BRF1: variants seen among roughly 807,000 people sequenced by gnomAD.
BRF1 encodes the protein transcription factor IIIB 90 kDa subunit.
A neutral mutation model predicts 81.7 loss-of-function variants in BRF1; 59 were observed. The observed-to-expected ratio is 0.72, with a 90% confidence interval of 0.59 to 0.90. The LOEUF (loss-of-function observed/expected upper bound fraction) is 0.90, where lower values mean the gene tolerates loss of function less well. Ranked by LOEUF, BRF1 falls within the 40% of genes least tolerant of loss-of-function variation. The pLI is 0.00. For synonymous variants in BRF1, 491 were observed against 395.6 expected, an observed-to-expected ratio of 1.24 and a Z score of -2.86; for missense variants, 1,050 against 936.3, an observed-to-expected ratio of 1.12 and a Z score of -1.58.
chr14:105,219,863 G>A (rs752029439), intron 12 of BRF1: 339 of 614,304 alleles, frequency 5.5e-4, no homozygotes, highest in Non-Finnish European at 7.8e-4. Context: ...GGGGCCTCTC[G>A]ACAGGCCGCC....
intron 6 of BRF1, among the ~76,000 whole-genome samples, chr14:105,229,173 T>A (rs1346997696): frequency 6.6e-6 from 1 of 152,330 alleles, no homozygotes; most frequent in South Asian, 2.1e-4. Flanking sequence ...GAGCTTCACG[T>A]AATCCCTCAA....
intron 1 of BRF1, among the ~76,000 whole-genome samples, chr14:105,288,453 AAAAAATAAAAAT>A (rs916864650): frequency 2.0e-5 from 3 of 151,302 alleles, no homozygotes; most frequent in Non-Finnish European, 2.9e-5. Flanking sequence ...CTCCGTCTCA[AAAAAATAAAAAT>A]AAAAATAAAA....
chr14:105,226,090 G>A lies in BRF1; in HGVS notation c.1027C>T (p.Leu343=), dbSNP rs1566812312. The A allele has an allele frequency of 1.2e-6, 2 of 1,613,914 alleles. No individual in the cohort carries two copies. The highest frequency in any genetic ancestry group is 1.7e-6 in the Non-Finnish European group (2 of 1,180,014). ...TCACCATCTTTTGCCAGGCTGGCCA[G>A]GCCCCCCTTGGCCTTTGGCCGGCTG... The part of the protein sequence containing the change: ...ENSRPKAKGG[L]ASLAKDGSTE... The change falls in exon 10 of 18, where the codon CTG becomes TTG. Residue 343 remains leucine (L), a synonymous_variant. Coordinates refer to ENST00000547530, the MANE Select transcript of BRF1 (RefSeq NM_001519.4).
In BRF1 at chr14:105,315,118, C is replaced by G. The variant is rs923894092; in HGVS notation, c.-162+204G>C. 1.1e-6 allele frequency: 1 copy of G among 879,274 alleles called. No individual in the cohort carries two copies. The highest frequency in any genetic ancestry group is 1.4e-6 in the Non-Finnish European group (1 of 722,020). 54.5% of individuals were successfully genotyped at this position (879,274 alleles called of 1,614,324 possible). Reference sequence around the variant, plus strand: ...GCCGCGGCCTCTGCGCGCCCCATCCCCGGCCCGGGTCCCCCAGCGGAGCCC... The same window carrying G: ...GCCGCGGCCTCTGCGCGCCCCATCCGCGGCCCGGGTCCCCCAGCGGAGCCC... On this transcript the variant is annotated intron_variant, in intron 1 of 17. Transcript: ENST00000327359. The surrounding 1 kb of genome is among the most constrained non-coding windows in gnomAD (Gnocchi z 4.4).
At position 105,216,060 on chromosome 14, in the gene BRF1, GCA is replaced by G. The variant is rs587602022; in HGVS notation, c.1772+1482_1772+1483del. 4.1e-3 allele frequency among the ~76,000 whole-genome samples: 562 copies of G among 137,228 alleles called. 2 individuals are homozygous for G. Among genetic ancestry groups the G allele is most frequent in the Middle Eastern group, 9.5e-3 (2 of 210 alleles). The allele number at this position is 137,228 out of a possible 152,430, so 90.0% of individuals were successfully genotyped here. ...ACACACACTGCGTACACAGACACAGGCACACACACACACATGCACACAAATAC... is the reference window on the plus strand; with the variant it reads ...ACACACACTGCGTACACAGACACAGGCACACACACACATGCACACAAATAC... On this transcript the variant is annotated intron_variant, in intron 15 of 17. Coordinates refer to ENST00000547530, the MANE Select transcript of BRF1 (RefSeq NM_001519.4).
At chr14:105,313,356 T>C (rs1410630221) in intron 1 of BRF1, among the ~76,000 whole-genome samples, 4 of 152,128 alleles carry the variant, frequency 2.6e-5, no homozygotes, top group Non-Finnish European at 4.4e-5. Flanking sequence ...CTACCCTGTC[T>C]CAAAGGTATG....
intron 1 of BRF1, among the ~76,000 whole-genome samples, chr14:105,313,150 G>A (rs774840464): frequency 6.6e-6 from 1 of 152,180 alleles, no homozygotes; most frequent in Non-Finnish European, 1.5e-5. Flanking sequence ...CCCTGCCTGG[G>A]TTAGACGCTG....
chr14:105,218,860 C>T, intron 14 of BRF1, 138 bp downstream of exon 14: 1 of 1,259,668 alleles, frequency 7.9e-7, no homozygotes, highest in Non-Finnish European at 1.1e-6. Flanking sequence ...GGTCTGGGGT[C>T]CAGAGCACAT....
chr14:105,290,049 A>G (rs1469056528), intron 1 of BRF1, among the ~76,000 whole-genome samples: 1 of 152,270 alleles, frequency 6.6e-6, no homozygotes, highest in African/African-American at 2.4e-5. Flanking sequence ...AAATCTCACT[A>G]TATTCTAATT....
intron 10 of BRF1, among the ~76,000 whole-genome samples, chr14:105,223,348 T>C (rs587683971): frequency 1.3e-5 from 2 of 152,308 alleles, no homozygotes; most frequent in African/African-American, 2.4e-5. Flanking sequence ...CAATGTCCTC[T>C]AACAGATGAA....
chr14:105,280,480 G>C (rs1159200141), intron 2 of BRF1, among the ~76,000 whole-genome samples: 1 of 152,284 alleles, frequency 6.6e-6, no homozygotes, highest in Admixed American at 6.5e-5. Flanking sequence ...TAAACCCATA[G>C]AACACGCACC....
At chr14:105,288,618 T>C (rs934337666) in intron 1 of BRF1, among the ~76,000 whole-genome samples, 5 of 141,114 alleles carry the variant, frequency 3.5e-5, no homozygotes, top group African/African-American at 1.0e-4. Flanking sequence ...GGGAGACCCA[T>C]TTCTTTCTTT....
chr14:105,306,669 G>A (rs1403667584), intron 1 of BRF1, among the ~76,000 whole-genome samples: 5 of 149,328 alleles, frequency 3.3e-5, no homozygotes, highest in South Asian at 2.1e-4. Context: ...GCAATGGCAC[G>A]ATCTTGATGT....
intron 2 of BRF1, among the ~76,000 whole-genome samples, chr14:105,275,562 T>C (rs895266194): frequency 3.9e-5 from 6 of 152,242 alleles, no homozygotes; most frequent in African/African-American, 1.4e-4. Flanking sequence ...CCGCTGAAGC[T>C]ACGGCTCCTT....
At chr14:105,265,114 AATGCACTG>A (rs2056352007) in intron 3 of BRF1, among the ~76,000 whole-genome samples, 1 of 144,030 alleles carries the variant, frequency 6.9e-6, no homozygotes, top group South Asian at 2.3e-4. Context: ...CCCAGGCTGG[AATGCACTG>A]ATGCACTGAT....
Position 105,265,045 on chromosome 14 carries a change from C to CTTTTT in BRF1, c.439+7671_439+7675dup, listed in dbSNP as rs587772604. ...CATCAAGTCATAAGTTCTACTTATC[C>CTTTTT]TTTTTTTTGTTTTTTTTTTGTTTGT... On this transcript the variant is annotated intron_variant, in intron 3 of 17. Transcript: ENST00000547530. Among the ~76,000 whole-genome samples, 263 of 135,206 alleles carry CTTTTT rather than the reference C, an allele frequency of 1.9e-3. 7 individuals carry two copies. The highest frequency in any genetic ancestry group is 2.6e-3 in the Non-Finnish European group (160 of 61,326). 88.7% of individuals were successfully genotyped at this position (135,206 alleles called of 152,430 possible).
chr14:105,268,668 T>C (rs905372899), intron 3 of BRF1, among the ~76,000 whole-genome samples: 16 of 152,318 alleles, frequency 1.1e-4, no homozygotes, highest in African/African-American at 3.4e-4. Flanking sequence ...GTCCCACCCA[T>C]GGGCTGGACG....
chr14:105,291,699 T>C (rs587701546), intron 1 of BRF1, among the ~76,000 whole-genome samples: 217 of 152,218 alleles, frequency 1.4e-3, no homozygotes, highest in South Asian at 2.9e-3. Context: ...ACTTCCTTTT[T>C]TTAAGAGACA....
At chr14:105,285,853 C>A (rs2057295528) in intron 2 of BRF1, among the ~76,000 whole-genome samples, 1 of 152,192 alleles carries the variant, frequency 6.6e-6, no homozygotes, top group African/African-American at 2.4e-5. Flanking sequence ...TATATAAAAT[C>A]ACACATCCGA....
Sources: allele counts gnomAD v4.1 joint callset (sites outside exome capture counted in the v4.1 genomes callset), GRCh38; gene constraint gnomAD v4.1.1; non-coding constraint Gnocchi (gnomAD v3.1); transcripts MANE v1.5; gene names NCBI Gene and HGNC (gene_info 2026-07-23, HGNC 2026-07-21).